The following RALYL variants were observed in gnomAD, a reference collection of about 807,000 sequenced individuals.
RALYL encodes the protein RNA-binding Raly-like protein.
Under a neutral mutation model 35.1 loss-of-function variants are expected in RALYL, and 29 were observed. The ratio of observed to expected loss-of-function variants is 0.83; its 90% CI spans 0.61 to 1.13. The LOEUF (loss-of-function observed/expected upper bound fraction) is 1.13, where lower values mean the gene tolerates loss of function less well. Ranked by LOEUF, RALYL falls within the 50% of genes most tolerant of loss-of-function variation. The probability of loss-of-function intolerance (pLI) is 0.00; values close to 1 mark genes in which losing one functional copy is unlikely to be tolerated. For synonymous variants in RALYL, 120 were observed against 127.6 expected, an observed-to-expected ratio of 0.94 and a Z score of 0.40; for missense variants, 359 against 360.4, an observed-to-expected ratio of 1.00 and a Z score of 0.03.
At chr8:84,799,879 C>T (rs936799046) in intron 3 of RALYL, among the ~76,000 whole-genome samples, 2 of 152,112 alleles carry the variant, frequency 1.3e-5, no homozygotes, top group Non-Finnish European at 2.9e-5. Context: ...TGGCGTGAAC[C>T]CGGAAGGTGG....
chr8:84,184,909 A>G (rs1180788260), intron 1 of RALYL: 2 of 1,515,060 alleles, frequency 1.3e-6, no homozygotes, highest in African/African-American at 2.7e-5. Context: ...GGCTGGCTCC[A>G]GGCCACGCGA....
At chr8:84,529,001 C>A (rs1026527944) in intron 1 of RALYL, among the ~76,000 whole-genome samples, 1 of 151,950 alleles carries the variant, frequency 6.6e-6, no homozygotes, top group Non-Finnish European at 1.5e-5. Context: ...CTTTCTTTTG[C>A]AAAATAGTTA....
intron 1 of RALYL, among the ~76,000 whole-genome samples, chr8:84,419,521 T>C (rs1201573527): frequency 6.6e-6 from 1 of 152,048 alleles, no homozygotes; most frequent in African/African-American, 2.4e-5. Flanking sequence ...TTAGAACTGC[T>C]ACTACAAATT....
chr8:84,605,033 A>C (rs1416436215), intron 2 of RALYL, among the ~76,000 whole-genome samples: 3 of 152,104 alleles, frequency 2.0e-5, no homozygotes, highest in African/African-American at 7.2e-5. Context: ...TAGTTCTCCC[A>C]TTACCCTTGA....
chr8:84,336,533 C>T (rs190170243), intron 1 of RALYL, among the ~76,000 whole-genome samples: 2 of 152,040 alleles, frequency 1.3e-5, no homozygotes, highest in Admixed American at 1.3e-4. Context: ...TTCTACATGC[C>T]TTAGGGATAG....
At chr8:84,288,160 G>GTTTT (rs113037990) in intron 1 of RALYL, among the ~76,000 whole-genome samples, 21 of 150,750 alleles carry the variant, frequency 1.4e-4, no homozygotes, top group Non-Finnish European at 2.5e-4. Flanking sequence ...TGGTTCTCCT[G>GTTTT]TTTTTTTTTG....
chr8:84,882,703 C>T (rs1281358076), intron 7 of RALYL, among the ~76,000 whole-genome samples: 3 of 151,766 alleles, frequency 2.0e-5, no homozygotes, highest in Non-Finnish European at 4.4e-5. Flanking sequence ...CCCAAAGAAG[C>T]TTTAGCAGCA....
At chr8:84,255,935 A>C (rs1045370884) in intron 1 of RALYL, among the ~76,000 whole-genome samples, 1 of 152,186 alleles carries the variant, frequency 6.6e-6, no homozygotes, top group Non-Finnish European at 1.5e-5. Flanking sequence ...GATACCACTT[A>C]GCAAAATTAT....
chr8:84,369,302 GTATT>G (rs143936722), intron 1 of RALYL, among the ~76,000 whole-genome samples: 2,740 of 151,196 alleles, frequency 0.018, 80 homozygotes, highest in African/African-American at 0.062. Context: ...GAAAAAACTA[GTATT>G]TATTTATTTA....
chr8:84,433,548 G>T (rs992959635), intron 1 of RALYL, among the ~76,000 whole-genome samples: 2 of 152,060 alleles, frequency 1.3e-5, no homozygotes, highest in East Asian at 3.9e-4. Context: ...GAATCATGGG[G>T]GCTGGTCTTT....
chr8:84,621,648 A>C (rs1588579710), intron 2 of RALYL, among the ~76,000 whole-genome samples: 1 of 152,346 alleles, frequency 6.6e-6, no homozygotes, highest in East Asian at 1.9e-4. Flanking sequence ...CATACAGTAC[A>C]TGAACTTCAT....
chr8:84,583,009 A>C (rs932347577), intron 2 of RALYL, among the ~76,000 whole-genome samples: 4 of 152,128 alleles, frequency 2.6e-5, no homozygotes, highest in Non-Finnish European at 5.9e-5. Context: ...TCCTGACTCC[A>C]TCTATCTATA....
chr8:84,505,686 T>C (rs1326466074), intron 1 of RALYL, among the ~76,000 whole-genome samples: 1 of 152,074 alleles, frequency 6.6e-6, no homozygotes, highest in Admixed American at 6.6e-5. Context: ...ACCCAATAGG[T>C]AGTTTTCGAT....
intron 5 of RALYL, among the ~76,000 whole-genome samples, chr8:84,855,836 A>G (rs1836852567): frequency 6.6e-6 from 1 of 152,210 alleles, no homozygotes; most frequent in South Asian, 2.1e-4. Flanking sequence ...AGAAAAACAA[A>G]TGCCACAGGT....
intron 2 of RALYL, among the ~76,000 whole-genome samples, chr8:84,711,271 A>G (rs944997907): frequency 6.6e-6 from 1 of 152,224 alleles, no homozygotes; most frequent in Non-Finnish European, 1.5e-5. Context: ...TTTCATTTGT[A>G]ACTGAATTAA....
intron 6 of RALYL, among the ~76,000 whole-genome samples, chr8:84,867,917 G>A (rs112388994): frequency 7.9e-5 from 12 of 152,248 alleles, no homozygotes; most frequent in African/African-American, 1.4e-4. Flanking sequence ...ATATCTGGTC[G>A]GGGGCAGGGG....
intron 1 of RALYL, among the ~76,000 whole-genome samples, chr8:84,395,764 A>G (rs1315578195): frequency 1.3e-5 from 2 of 151,878 alleles, no homozygotes; most frequent in Admixed American, 1.3e-4. Flanking sequence ...TTTGAAATAG[A>G]TTGTGAAATA....
intron 1 of RALYL, among the ~76,000 whole-genome samples, chr8:84,350,370 TTCAAGTG>T (rs1426675204): frequency 6.6e-6 from 1 of 150,660 alleles, no homozygotes; most frequent in Non-Finnish European, 1.5e-5. Flanking sequence ...AGTGCTGTTT[TTCAAGTG>T]TTTTTGTAAA....
intron 8 of RALYL, among the ~76,000 whole-genome samples, chr8:84,894,004 G>A (rs538832894): frequency 6.6e-6 from 1 of 152,126 alleles, no homozygotes; most frequent in South Asian, 2.1e-4. Flanking sequence ...AAGTCACCTG[G>A]GCTTACCAGG....
Sources: allele counts gnomAD v4.1 joint callset (sites outside exome capture counted in the v4.1 genomes callset), GRCh38; gene constraint gnomAD v4.1.1; transcripts MANE v1.5; gene names NCBI Gene and HGNC (gene_info 2026-07-23, HGNC 2026-07-21).